PTPRD: variants seen among roughly 807,000 people sequenced by gnomAD.
PTPRD encodes the protein protein tyrosine phosphatase receptor type D.
In PTPRD, 34 loss-of-function variants were observed where a neutral mutation model predicts 214.5. The observed-to-expected ratio is 0.16, with a 90% CI of 0.12 to 0.21. The LOEUF (loss-of-function observed/expected upper bound fraction) is 0.21, where lower values mean the gene tolerates loss of function less well. Ranked by LOEUF, PTPRD falls within the 10% of genes least tolerant of loss-of-function variation. PTPRD has a pLI of 1.00. For synonymous variants in PTPRD, 1,128 were observed against 845.7 expected (o/e 1.33, Z -5.79); for missense variants, 2,545 against 2,398.7 (o/e 1.06, Z -1.27).
In PTPRD at chr9:10,538,202, C is replaced by T. The variant is rs146350893; in HGVS notation, c.-600+74196G>A. 5.8e-4 allele frequency among the ~76,000 whole-genome samples: 87 copies of T among 149,610 alleles called. 1 individual carries two copies. The East Asian group carries it at 0.012, about 21-fold the overall frequency. ...GGCTTATCCATCCTTGGCCATGAGA[C>T]GACACTGTGGATAGAGAGGTGAGAA... On this transcript the variant is annotated intron_variant, in intron 2 of 45. Coordinates refer to ENST00000381196, the MANE Select transcript of PTPRD (RefSeq NM_002839.4).
At chr9:8,829,619 G>A (rs993559291) in intron 11 of PTPRD, among the ~76,000 whole-genome samples, 8 of 152,134 alleles carry the variant, frequency 5.3e-5, no homozygotes, top group Non-Finnish European at 1.0e-4. Context: ...TTGCACACAG[G>A]TTGTTGTCCA....
intron 4 of PTPRD, among the ~76,000 whole-genome samples, chr9:10,015,736 A>G (rs1025397566): frequency 2.0e-5 from 3 of 152,142 alleles, no homozygotes; most frequent in African/African-American, 7.2e-5. Flanking sequence ...AGGTGGGGGA[A>G]CCACAATAGC....
At chr9:8,796,846 A>T (rs991696342) in intron 11 of PTPRD, among the ~76,000 whole-genome samples, 4 of 152,144 alleles carry the variant, frequency 2.6e-5, no homozygotes, top group Non-Finnish European at 5.9e-5. Flanking sequence ...AAACTCAAAC[A>T]TCGCCTAGAA....
intron 11 of PTPRD, among the ~76,000 whole-genome samples, chr9:8,773,217 T>C (rs2095310630): frequency 6.6e-6 from 1 of 152,190 alleles, no homozygotes; most frequent in South Asian, 2.1e-4. Context: ...CAGCACTCTC[T>C]TGAATATCAA....
At chr9:10,278,032 C>T (rs547567538) in intron 3 of PTPRD, among the ~76,000 whole-genome samples, 23 of 151,854 alleles carry the variant, frequency 1.5e-4, no homozygotes, top group African/African-American at 3.6e-4. Flanking sequence ...TGGTGGCGGA[C>T]GCCTGTAGTC....
At chr9:9,544,900 G>A (rs1392211277) in intron 8 of PTPRD, among the ~76,000 whole-genome samples, 2 of 151,790 alleles carry the variant, frequency 1.3e-5, no homozygotes, top group Non-Finnish European at 3.0e-5. Flanking sequence ...CACATTTCTA[G>A]TTGGGATGGG....
chr9:10,525,871 A>T (rs925683997), intron 2 of PTPRD, among the ~76,000 whole-genome samples: 2 of 152,016 alleles, frequency 1.3e-5, no homozygotes, highest in African/African-American at 4.8e-5. Context: ...ACAAAAAGTA[A>T]AGCCCACTTC....
chr9:9,200,697 G>C, intron 9 of PTPRD, among the ~76,000 whole-genome samples: 1 of 152,162 alleles, frequency 6.6e-6, no homozygotes, highest in Middle Eastern at 3.2e-3. Context: ...GCAGAGATCT[G>C]CTAAAAGTGG....
chr9:8,670,026 T>C (rs569284329), intron 12 of PTPRD, among the ~76,000 whole-genome samples: 7 of 152,058 alleles, frequency 4.6e-5, no homozygotes, highest in African/African-American at 1.2e-4. Flanking sequence ...CCTCTTTTTT[T>C]TTTTTTAATT....
At chr9:8,786,963 G>A (rs890515423) in intron 11 of PTPRD, among the ~76,000 whole-genome samples, 1 of 151,130 alleles carries the variant, frequency 6.6e-6, no homozygotes, top group Non-Finnish European at 1.5e-5. Flanking sequence ...GCAGTGTAGT[G>A]GCAGCTGGGA....
At chr9:9,589,143 T>C (rs543254149) in intron 7 of PTPRD, among the ~76,000 whole-genome samples, 4 of 152,056 alleles carry the variant, frequency 2.6e-5, no homozygotes, top group South Asian at 2.1e-4. Context: ...ATGTATGAAA[T>C]TGTGAAAACT....
chr9:8,444,937 T>G (rs990275607), intron 34 of PTPRD, among the ~76,000 whole-genome samples: 1 of 152,208 alleles, frequency 6.6e-6, no homozygotes, highest in Admixed American at 6.5e-5. Context: ...CAGAGATGTA[T>G]GGAGCTTAAT....
chr9:10,486,400 G>A (rs1393067057), intron 2 of PTPRD, among the ~76,000 whole-genome samples: 1 of 152,062 alleles, frequency 6.6e-6, no homozygotes, highest in Non-Finnish European at 1.5e-5. Flanking sequence ...TCTGCATATG[G>A]CTGGACAGTT....
intron 7 of PTPRD, among the ~76,000 whole-genome samples, chr9:9,576,106 T>C (rs1316429576): frequency 6.6e-6 from 1 of 152,174 alleles, no homozygotes; most frequent in Non-Finnish European, 1.5e-5. Flanking sequence ...AATTCTTTAA[T>C]TGTTGGTACT....
chr9:10,137,782 C>A (rs1310382613), intron 3 of PTPRD, among the ~76,000 whole-genome samples: 1 of 150,960 alleles, frequency 6.6e-6, no homozygotes, highest in Non-Finnish European at 1.5e-5. Context: ...CCACTTGCAC[C>A]TGAATGGCTT....
At chr9:9,896,372 T>G (rs181785474) in intron 5 of PTPRD, among the ~76,000 whole-genome samples, 1 of 152,048 alleles carries the variant, frequency 6.6e-6, no homozygotes. Flanking sequence ...CAGCTTCAAA[T>G]CATTTTTTCA....
At chr9:8,495,873 T>C (rs1247135718) in intron 26 of PTPRD, among the ~76,000 whole-genome samples, 2 of 152,206 alleles carry the variant, frequency 1.3e-5, no homozygotes, top group East Asian at 3.8e-4. Flanking sequence ...AATGGAAGAA[T>C]ACCGTCTTGC....
intron 3 of PTPRD, among the ~76,000 whole-genome samples, chr9:10,322,662 T>C (rs1020138413): frequency 6.6e-6 from 1 of 152,092 alleles, no homozygotes; most frequent in African/African-American, 2.4e-5. Context: ...AGCAAAAATA[T>C]ATTCAAAAAG....
intron 4 of PTPRD, among the ~76,000 whole-genome samples, chr9:9,953,437 T>C (rs956483108): frequency 3.3e-5 from 5 of 151,886 alleles, no homozygotes; most frequent in African/African-American, 1.2e-4. Context: ...AAAAACTACT[T>C]ATGCCCCAAA....
Sources: allele counts gnomAD v4.1 joint callset (sites outside exome capture counted in the v4.1 genomes callset), GRCh38; gene constraint gnomAD v4.1.1; transcripts MANE v1.5; gene names NCBI Gene and HGNC (gene_info 2026-07-23, HGNC 2026-07-21).